Variants in PKIA observed in about 807,000 individuals in gnomAD.
The protein encoded by PKIA is PKI-alpha.
A neutral mutation model predicts 7.6 loss-of-function variants in PKIA; 4 were observed. That is an observed-to-expected ratio of 0.52 (90% CI 0.26 to 1.20). The LOEUF is 1.20. Ranked by LOEUF, PKIA falls within the 50% of genes most tolerant of loss-of-function variation. The probability of loss-of-function intolerance (pLI) is 0.13; values close to 1 mark genes in which losing one functional copy is unlikely to be tolerated. For missense variants in PKIA, 73 were observed against 86.2 expected (o/e 0.85, Z 0.61); for synonymous variants, 21 against 30.7 (o/e 0.68, Z 1.04).
In PKIA at chr8:78,524,024, TTATATAAACGTTTA is replaced by T. The variant is rs1563565617; in HGVS notation, c.-157+7563_-157+7576del. Among the ~76,000 whole-genome samples the T allele has an allele frequency of 3.6e-5, 3 of 83,552 alleles. No individual in the cohort carries two copies. In the South Asian group the frequency reaches 9.7e-4, roughly 27 times the overall value. The allele number at this position is 83,552 out of a possible 152,430, so 54.8% of individuals were successfully genotyped here. On this transcript the variant is annotated intron_variant, in intron 1 of 3. Transcript: ENST00000396418. Reference sequence around the variant, plus strand: ...TTTATATATAAATATATATAAACGTTTATATAAACGTTTATATATATAAATATATATAAACATTT... The same window carrying T: ...TTTATATATAAATATATATAAACGTTTATATATAAATATATATAAACATTT...
At chr8:78,580,132 T>A (rs1010251200) in intron 2 of PKIA, among the ~76,000 whole-genome samples, 7 of 152,072 alleles carry the variant, frequency 4.6e-5, no homozygotes, top group African/African-American at 1.7e-4. Context: ...TGCTATATAA[T>A]TTTTTAAGTT....
Position 78,604,097 on chromosome 8 carries a change from A to G in PKIA, c.*2276A>G, listed in dbSNP as rs1808418603. 1 of 152,088 alleles carries G rather than the reference A, an allele frequency of 6.6e-6. No individual in the cohort carries two copies. Among genetic ancestry groups the G allele is most frequent in the African/African-American group, 2.4e-5 (1 of 41,524 alleles). The allele number at this position is 152,088 out of a possible 1,614,324, so 9.4% of individuals were successfully genotyped here. ...CATGGCATCTTTCAAATTTTATTTT[A>G]GTTTCCTTTATTTGCCAAGAATACA... On this transcript the variant is annotated 3_prime_UTR_variant, in exon 4 of 4. Coordinates refer to ENST00000396418, the MANE Select transcript of PKIA (RefSeq NM_006823.4).
intron 2 of PKIA, among the ~76,000 whole-genome samples, chr8:78,598,050 TA>T (rs945406385): frequency 2.0e-5 from 3 of 148,958 alleles, no homozygotes; most frequent in African/African-American, 7.3e-5. Flanking sequence ...GTATATTATG[TA>T]AAAATACATA....
At position 78,585,728 on chromosome 8, in the gene PKIA, G is replaced by T. The variant is rs547884161; in HGVS notation, c.-27-12630G>T. Among the ~76,000 whole-genome samples the T allele has an allele frequency of 3.3e-5, 5 of 152,130 alleles. No individual in the cohort carries two copies. The South Asian group carries it at 1.0e-3, about 32-fold the overall frequency. On this transcript the variant is annotated intron_variant, in intron 2 of 3. Coordinates refer to ENST00000396418, the MANE Select transcript of PKIA (RefSeq NM_006823.4). Reference sequence around the variant, plus strand: ...TATTAAAGTGTTTAAGCACTTTTTCGATTGGAGTAGATATTTAGACACTGT... The same window carrying T: ...TATTAAAGTGTTTAAGCACTTTTTCTATTGGAGTAGATATTTAGACACTGT...
intron 2 of PKIA, among the ~76,000 whole-genome samples, chr8:78,593,164 C>G (rs117117202): frequency 6.6e-6 from 1 of 152,084 alleles, no homozygotes; most frequent in Non-Finnish European, 1.5e-5. Flanking sequence ...GCTCTGTCAC[C>G]CAGGCTGAAA....
At chr8:78,565,948 T>C (rs1807401581) in intron 1 of PKIA, among the ~76,000 whole-genome samples, 1 of 152,010 alleles carries the variant, frequency 6.6e-6, no homozygotes, top group African/African-American at 2.4e-5. Flanking sequence ...GTTGCCTGCC[T>C]TTTGTGTTTG....
At chr8:78,523,417 C>T (rs1025293630) in intron 1 of PKIA, among the ~76,000 whole-genome samples, 2 of 151,892 alleles carry the variant, frequency 1.3e-5, no homozygotes, top group Non-Finnish European at 2.9e-5. Context: ...ATAAGCAACA[C>T]CATGGCCATA....
At chr8:78,551,197 G>T (rs1806974702) in intron 1 of PKIA, among the ~76,000 whole-genome samples, 1 of 152,004 alleles carries the variant, frequency 6.6e-6, no homozygotes, top group South Asian at 2.1e-4. Context: ...CTTTAGTTTG[G>T]TAATATGAAT....
chr8:78,547,084 A>G (rs1806841517), intron 1 of PKIA, among the ~76,000 whole-genome samples: 1 of 152,134 alleles, frequency 6.6e-6, no homozygotes, highest in African/African-American at 2.4e-5. Context: ...AAAAAGAGAA[A>G]AAACAAAAAC....
At chr8:78,579,239 C>A (rs1162533856) in intron 2 of PKIA, among the ~76,000 whole-genome samples, 1 of 152,020 alleles carries the variant, frequency 6.6e-6, no homozygotes, top group Non-Finnish European at 1.5e-5. Context: ...TCCCCTCTTG[C>A]CACGGTCCTT....
At chr8:78,546,530 T>TA (rs946877126) in intron 1 of PKIA, among the ~76,000 whole-genome samples, 10 of 152,092 alleles carry the variant, frequency 6.6e-5, no homozygotes, top group African/African-American at 1.2e-4. Context: ...AATGTAACGT[T>TA]AAAAAAAATC....
chr8:78,586,197 A>G (rs772255921), intron 2 of PKIA, among the ~76,000 whole-genome samples: 6 of 152,108 alleles, frequency 3.9e-5, no homozygotes, highest in Non-Finnish European at 5.9e-5. Context: ...CATCCTGGGC[A>G]ATTGCACTTT....
At chr8:78,532,421 AAAG>A (rs1395795321) in intron 1 of PKIA, among the ~76,000 whole-genome samples, 7 of 151,878 alleles carry the variant, frequency 4.6e-5, no homozygotes, top group Non-Finnish European at 7.4e-5. Flanking sequence ...CTTCCCTAAG[AAAG>A]AAGAAATTTT....
intron 2 of PKIA, among the ~76,000 whole-genome samples, chr8:78,583,361 T>G (rs1023789498): frequency 1.3e-5 from 2 of 152,260 alleles, no homozygotes; most frequent in Middle Eastern, 3.4e-3. Flanking sequence ...CTGAAACCCC[T>G]GTCTTCTAGT....
intron 1 of PKIA, among the ~76,000 whole-genome samples, chr8:78,533,415 T>A (rs1273753624): frequency 6.6e-6 from 1 of 152,198 alleles, no homozygotes; most frequent in African/African-American, 2.4e-5. Flanking sequence ...ATCAAGATAC[T>A]TTAGGACTTT....
intron 1 of PKIA, among the ~76,000 whole-genome samples, chr8:78,540,372 T>C (rs1806651161): frequency 6.6e-6 from 1 of 151,984 alleles, no homozygotes; most frequent in Non-Finnish European, 1.5e-5. Flanking sequence ...TCCACATCTA[T>C]TTTGGATGGT....
chr8:78,565,119 T>C (rs1807372134), intron 1 of PKIA, among the ~76,000 whole-genome samples: 1 of 151,986 alleles, frequency 6.6e-6, no homozygotes, highest in Non-Finnish European at 1.5e-5. Context: ...ATCAGACTTA[T>C]TTGACTGATT....
intron 2 of PKIA, among the ~76,000 whole-genome samples, chr8:78,586,118 T>G (rs1807945472): frequency 6.6e-6 from 1 of 152,152 alleles, no homozygotes; most frequent in Non-Finnish European, 1.5e-5. Flanking sequence ...GCCTACCATC[T>G]CTGCCTCAAC....
chr8:78,555,185 A>C (rs1043863526), intron 1 of PKIA, among the ~76,000 whole-genome samples: 11 of 152,004 alleles, frequency 7.2e-5, no homozygotes, highest in African/African-American at 2.7e-4. Flanking sequence ...TATTTGCATA[A>C]GTTTCATCAA....
Sources: gnomAD v4.1 joint callset for allele counts (sites outside exome capture counted in the v4.1 genomes callset) on GRCh38, gnomAD v4.1.1 for gene constraint, MANE v1.5 for transcripts, NCBI Gene and HGNC (gene_info 2026-07-23, HGNC 2026-07-21) for gene names.